The following SMIM20 variants were observed in gnomAD, a reference collection of about 807,000 sequenced individuals.
The protein encoded by SMIM20 is mitochondrial translation regulation assembly intermediate of cytochrome c oxidase protein of 7 kDa.
A neutral mutation model predicts 8.7 loss-of-function variants in SMIM20; 3 were observed. The ratio of observed to expected loss-of-function variants is 0.34; its 90% CI spans 0.16 to 0.89. SMIM20 has a LOEUF of 0.89. Among genes scored for constraint, SMIM20 ranks in the 40% least tolerant of loss-of-function variants. The probability of loss-of-function intolerance (pLI) is 0.49; values close to 1 mark genes in which losing one functional copy is unlikely to be tolerated. For synonymous variants in SMIM20, 44 were observed against 33.6 expected (o/e 1.31, Z -1.07); for missense variants, 85 against 84.8 (o/e 1.00, Z -0.01).
At chr4:25,920,910 A>G (rs1198527045) in intron 1 of SMIM20, among the ~76,000 whole-genome samples, 2 of 152,236 alleles carry the variant, frequency 1.3e-5, no homozygotes, top group African/African-American at 4.8e-5. Context: ...GCTATATCAC[A>G]TAGCCTGGGT....
rs1199508221 is a variant in SMIM20, at chr4:25,929,138, C to G, written c.167-16C>G. ...TTAAAAATGAATCCTGTTTTTGTTC[C>G]TGTTTCTTTCCATAGGGTTAAAAGT... is the stretch of plus-strand genomic sequence containing the variant. On this transcript the variant is annotated splice_polypyrimidine_tract_variant and intron_variant, in intron 2 of 2. Coordinates refer to ENST00000506197, the MANE Select transcript of SMIM20 (RefSeq NM_001145432.3). 6.4e-7 allele frequency: 1 copy of G among 1,551,400 alleles called. No homozygotes were observed. The highest frequency in any genetic ancestry group is 1.2e-5 in the South Asian group (1 of 84,012).
chr4:25,919,196 G>A lies in SMIM20; in HGVS notation c.109+4774G>A, dbSNP rs538019230. Among the ~76,000 whole-genome samples, 7 of 152,216 alleles carry A rather than the reference G, an allele frequency of 4.6e-5. No individual in the cohort carries two copies. In the South Asian group the frequency reaches 8.3e-4, roughly 18 times the overall value. ...TGGGATTACAGGCGTGAGCCACCGC[G>A]CCTGGCCTGTGAATATCTTAAAACC... On this transcript the variant is annotated intron_variant, in intron 1 of 2. Transcript: ENST00000506197.
At chr4:25,925,381 C>T (rs1054720061) in intron 1 of SMIM20, among the ~76,000 whole-genome samples, 15 of 152,164 alleles carry the variant, frequency 9.9e-5, no homozygotes, top group African/African-American at 2.6e-4. Flanking sequence ...GGATTATAGG[C>T]GCCCGCCACC....
At position 25,914,300 on chromosome 4, in the gene SMIM20, C is replaced by A. The variant is rs536164086; in HGVS notation, c.-14C>A. On this transcript the variant is annotated 5_prime_UTR_variant, in exon 1 of 3. Transcript: ENST00000506197. ...GGGCGGTCGGCGGGTCAGGGCAGCC[C>A]GGGGCCTGACGCCATGTCCCGGAAC... 9.0e-6 allele frequency: 14 copies of A among 1,548,922 alleles called. No homozygotes were observed. The highest frequency in any genetic ancestry group is 1.2e-5 in the Non-Finnish European group (14 of 1,145,116).
At position 25,928,206 on chromosome 4, in the gene SMIM20, A is replaced by G. The variant is rs866181858; in HGVS notation, c.110-107A>G. On this transcript the variant is annotated intron_variant, in intron 1 of 2. Transcript: ENST00000506197. ...AGCGTATCTGAATTTAACAGCACTC[A>G]TAAATACTGTTTTCTAATTGTCCCA... 2.6e-6 allele frequency: 3 copies of G among 1,166,414 alleles called. No individual in the cohort carries two copies. The African/African-American group carries it at 4.7e-5, about 18-fold the overall frequency. The allele number at this position is 1,166,414 out of a possible 1,614,324, so 72.3% of individuals were successfully genotyped here.
chr4:25,919,209 A>G (rs1346335995), intron 1 of SMIM20, among the ~76,000 whole-genome samples: 11 of 152,120 alleles, frequency 7.2e-5, no homozygotes, highest in Admixed American at 6.5e-4. Context: ...TGGCCTGTGA[A>G]TATCTTAAAA....
chr4:25,926,586 G>A (rs1711519014), intron 1 of SMIM20, among the ~76,000 whole-genome samples: 1 of 152,180 alleles, frequency 6.6e-6, no homozygotes, highest in South Asian at 2.1e-4. Flanking sequence ...TTTTCATTTG[G>A]TTCTCCGTTG....
intron 1 of SMIM20, among the ~76,000 whole-genome samples, chr4:25,919,951 C>T (rs1035667823): frequency 3.3e-5 from 5 of 152,152 alleles, no homozygotes; most frequent in African/African-American, 9.7e-5. Flanking sequence ...CTTTACTCAC[C>T]GACGCTGCTT....
intron 1 of SMIM20, among the ~76,000 whole-genome samples, chr4:25,917,973 C>T (rs12650840): frequency 0.14 from 20,011 of 140,706 alleles, 1,668 homozygotes; most frequent in East Asian, 0.32. Flanking sequence ...GACAGAGTCT[C>T]GCTCTTTCGC....
At chr4:25,921,267 C>T (rs576677389) in intron 1 of SMIM20, among the ~76,000 whole-genome samples, 3 of 152,226 alleles carry the variant, frequency 2.0e-5, no homozygotes, top group South Asian at 4.1e-4. Flanking sequence ...GGCATGGTGG[C>T]TCAAACCTGT....
chr4:25,929,074 C>A, intron 2 of SMIM20, 80 bp from the exon 3 acceptor site: 4 of 1,498,958 alleles, frequency 2.7e-6, no homozygotes, highest in Non-Finnish European at 3.6e-6. Flanking sequence ...GTTCTGATGT[C>A]ATTTTGTTTG....
chr4:25,922,105 A>G lies in SMIM20; in HGVS notation c.110-6208A>G, dbSNP rs555352517. ...TTGAAGTGTATTAAGTTGACTATTA[A>G]TAGTGTATTAAGTTGACTATTTATA... On this transcript the variant is annotated intron_variant, in intron 1 of 2. Transcript: ENST00000506197. Among the ~76,000 whole-genome samples the G allele has an allele frequency of 3.3e-5, 5 of 152,320 alleles. 1 individual carries two copies. The South Asian group carries it at 6.2e-4, about 19-fold the overall frequency.
chr4:25,929,337 A>G lies in SMIM20; in HGVS notation c.*146A>G. 1.4e-6 allele frequency: 1 copy of G among 730,048 alleles called. No homozygotes were observed. The highest frequency in any genetic ancestry group is 2.2e-6 in the Non-Finnish European group (1 of 450,588). 45.2% of individuals were successfully genotyped at this position (730,048 alleles called of 1,614,324 possible). A position where few individuals can be genotyped will look rare whatever the true frequency, so the allele number is the denominator to read the frequency against. ...TAAATAAGAGTGCTTGTAATAAAAGACTGTGCACAAGGATTAATATTTCCC... is the reference window on the plus strand; with the variant it reads ...TAAATAAGAGTGCTTGTAATAAAAGGCTGTGCACAAGGATTAATATTTCCC... On this transcript the variant is annotated 3_prime_UTR_variant, in exon 3 of 3. Transcript: ENST00000506197.
At chr4:25,916,676 C>T (rs1406483338) in intron 1 of SMIM20, among the ~76,000 whole-genome samples, 2 of 152,132 alleles carry the variant, frequency 1.3e-5, no homozygotes, top group Non-Finnish European at 2.9e-5. Flanking sequence ...GTGCCTCAGC[C>T]TCCCAAGTAG....
intron 1 of SMIM20, among the ~76,000 whole-genome samples, chr4:25,916,444 T>A (rs6821106): frequency 0.17 from 26,526 of 152,038 alleles, 2,684 homozygotes; most frequent in Non-Finnish European, 0.23. Context: ...ACTCCTGACC[T>A]TAGGTGATCC....
At chr4:25,915,826 A>G in intron 1 of SMIM20, among the ~76,000 whole-genome samples, 1 of 115,232 alleles carries the variant, frequency 8.7e-6, no homozygotes, top group African/African-American at 3.4e-5. Context: ...CTCAATCTGG[A>G]GACATTTTTG....
At chr4:25,925,944 C>T (rs1196447226) in intron 1 of SMIM20, among the ~76,000 whole-genome samples, 3 of 152,170 alleles carry the variant, frequency 2.0e-5, no homozygotes, top group Non-Finnish European at 4.4e-5. Flanking sequence ...AACTACAAAT[C>T]ACACCACTGC....
At chr4:25,926,513 C>A (rs748559985) in intron 1 of SMIM20, among the ~76,000 whole-genome samples, 5 of 152,248 alleles carry the variant, frequency 3.3e-5, no homozygotes, top group Non-Finnish European at 5.9e-5. Flanking sequence ...TAAAATAAAT[C>A]TTCAGCCTTG....
intron 1 of SMIM20, among the ~76,000 whole-genome samples, chr4:25,923,822 C>T (rs1339221741): frequency 1.3e-5 from 2 of 152,258 alleles, no homozygotes; most frequent in African/African-American, 2.4e-5. Flanking sequence ...CCTTTCACCA[C>T]ATAATCGAAT....
Sources: allele counts gnomAD v4.1 joint callset (sites outside exome capture counted in the v4.1 genomes callset), GRCh38; gene constraint gnomAD v4.1.1; transcripts MANE v1.5; gene names NCBI Gene and HGNC (gene_info 2026-07-23, HGNC 2026-07-21).